Variants in TYW1 observed in about 807,000 individuals in gnomAD.
The protein encoded by TYW1 is tRNA-yW synthesizing protein 1 homolog, also known as S-adenosyl-L-methionine-dependent tRNA 4-demethylwyosine synthase TYW1.
A neutral mutation model predicts 96.2 loss-of-function variants in TYW1; 46 were observed. The ratio of observed to expected loss-of-function variants is 0.48; its 90% CI spans 0.38 to 0.61. The LOEUF (loss-of-function observed/expected upper bound fraction) is 0.61. TYW1 is among the 20% of genes least tolerant of loss of function. The pLI is 0.00. For synonymous variants in TYW1, 274 were observed against 323.0 expected (o/e 0.85, Z 1.63); for missense variants, 684 against 909.6 (o/e 0.75, Z 3.19).
intron 7 of TYW1, among the ~76,000 whole-genome samples, chr7:67,049,483 G>C (rs1175521386): frequency 1.3e-5 from 2 of 152,152 alleles, no homozygotes; most frequent in African/African-American, 4.8e-5. Flanking sequence ...TCACTTTGGA[G>C]AGGATGGGTT....
chr7:67,083,526 T>G lies in TYW1; in HGVS notation c.1371T>G (p.Ile457Met), dbSNP rs776879183. 6.2e-7 allele frequency: 1 copy of G among 1,614,152 alleles called. No homozygotes were observed. The highest frequency in any genetic ancestry group is 2.2e-5 in the East Asian group (1 of 44,878). Residue 457 changes from isoleucine (I) to methionine (M), a missense_variant, in exon 11 of 16, where the codon ATT (isoleucine) becomes ATG (methionine). Transcript: ENST00000359626. ...KEAIENHQNM[I>M]KQFKGVPGVK... is the part of the protein sequence containing the mutation. ...CCATTGAAAACCATCAGAACATGATTAAGCAGTTTAAAGGTATTTATCTTC... is the reference window on the plus strand; with the variant it reads ...CCATTGAAAACCATCAGAACATGATGAAGCAGTTTAAAGGTATTTATCTTC...
intron 11 of TYW1, among the ~76,000 whole-genome samples, chr7:67,087,592 AT>A (rs112753759): frequency 2.0e-5 from 3 of 150,652 alleles, no homozygotes; most frequent in Non-Finnish European, 3.0e-5. Flanking sequence ...CCTACAACGG[AT>A]TTTTTTTTTC....
intron 9 of TYW1, among the ~76,000 whole-genome samples, chr7:67,058,774 C>T (rs574673119): frequency 1.3e-5 from 2 of 152,190 alleles, no homozygotes; most frequent in South Asian, 2.1e-4. Context: ...CTGTGCCTGG[C>T]CCCATATGTA....
chr7:67,109,273 C>CAAAAAAAAAAAAAAAAAAAAAAAAAA, intron 12 of TYW1, among the ~76,000 whole-genome samples: 1 of 49,102 alleles, frequency 2.0e-5, no homozygotes, highest in Non-Finnish European at 4.3e-5. Flanking sequence ...GACTCCGTCT[C>CAAAAAAAAAAAAAAAAAAAAAAAAAA]AAAAAAAAAA....
chr7:67,164,650 C>G (rs1219044096), intron 13 of TYW1, among the ~76,000 whole-genome samples: 1 of 150,320 alleles, frequency 6.7e-6, no homozygotes, highest in Non-Finnish European at 1.5e-5. Context: ...ACAAATACTC[C>G]TCTAAAACAG....
At chr7:67,046,601 T>C (rs1190794411) in intron 7 of TYW1, among the ~76,000 whole-genome samples, 1 of 152,246 alleles carries the variant, frequency 6.6e-6, no homozygotes, top group Non-Finnish European at 1.5e-5. Flanking sequence ...ATGGTTGTTA[T>C]ATTGTTACAT....
intron 13 of TYW1, among the ~76,000 whole-genome samples, chr7:67,141,828 G>C (rs542233413): frequency 9.8e-5 from 15 of 152,342 alleles, no homozygotes; most frequent in South Asian, 2.1e-4. Flanking sequence ...TTGAGTTCAA[G>C]AGTTTGAGAC....
intron 13 of TYW1, among the ~76,000 whole-genome samples, chr7:67,144,215 G>A (rs1798534066): frequency 1.3e-5 from 2 of 152,136 alleles, no homozygotes; most frequent in African/African-American, 2.4e-5. Flanking sequence ...TTTATGTGAC[G>A]CTAGCTGTGT....
At position 67,130,402 on chromosome 7, in the gene TYW1, G is replaced by A. The variant is rs535993407; in HGVS notation, c.1698+12784G>A. Among the ~76,000 whole-genome samples, 12 of 151,818 alleles carry A rather than the reference G, an allele frequency of 7.9e-5. No homozygotes were observed. The South Asian group carries it at 8.4e-4, about 11-fold the overall frequency. On this transcript the variant is annotated intron_variant, in intron 13 of 15. Coordinates refer to ENST00000359626, the MANE Select transcript of TYW1 (RefSeq NM_018264.4). ...AAAAAACAAACAGATGGCTGGGTGC[G>A]GTGGCTCACATCTGGAATCCCAGCA...
intron 1 of TYW1, among the ~76,000 whole-genome samples, chr7:66,997,851 A>G (rs1022225413): frequency 2.6e-5 from 4 of 151,970 alleles, no homozygotes; most frequent in Non-Finnish European, 5.9e-5. Context: ...CTGGTCTCGA[A>G]CTCCTGACCT....
chr7:67,097,053 TA>T (rs1375840557), intron 11 of TYW1, among the ~76,000 whole-genome samples: 2 of 152,002 alleles, frequency 1.3e-5, no homozygotes, highest in African/African-American at 4.8e-5. Context: ...GTTTTTTGGG[TA>T]ATCCCAGTGT....
chr7:67,024,568 G>A (rs1161071753), intron 6 of TYW1, among the ~76,000 whole-genome samples: 1 of 152,032 alleles, frequency 6.6e-6, no homozygotes, highest in Non-Finnish European at 1.5e-5. Context: ...ATTACCTGAG[G>A]TCAGGGGTTC....
chr7:67,065,107 A>G (rs181033211), intron 9 of TYW1, among the ~76,000 whole-genome samples: 15 of 152,224 alleles, frequency 9.9e-5, no homozygotes, highest in Non-Finnish European at 2.1e-4. Flanking sequence ...GGAAGCTCTC[A>G]CTGGTCCTTT....
At chr7:67,209,136 A>T (rs1351312860) in intron 15 of TYW1, among the ~76,000 whole-genome samples, 1 of 152,204 alleles carries the variant, frequency 6.6e-6, no homozygotes. Flanking sequence ...AAGGGTGCAG[A>T]AAGCTCAATG....
intron 3 of TYW1, among the ~76,000 whole-genome samples, chr7:67,008,129 C>T (rs4717336): frequency 0.13 from 19,715 of 151,968 alleles, 1,495 homozygotes; most frequent in Admixed American, 0.15. Context: ...AGTGGTTTAT[C>T]ATAAAGGATG....
chr7:66,997,516 T>A (rs1172888238), intron 1 of TYW1, among the ~76,000 whole-genome samples: 1 of 152,256 alleles, frequency 6.6e-6, no homozygotes, highest in Non-Finnish European at 1.5e-5. Context: ...TTCTAAATGC[T>A]CATTTCGAAG....
At chr7:66,997,318 CTT>C (rs1793203773) in intron 1 of TYW1, among the ~76,000 whole-genome samples, 1 of 89,138 alleles carries the variant, frequency 1.1e-5, no homozygotes, top group South Asian at 3.3e-4. Context: ...GCATATCTCT[CTT>C]AAAAAAAAAA....
At chr7:67,136,179 AAACTGGTATTTG>A (rs1338795758) in intron 13 of TYW1, among the ~76,000 whole-genome samples, 2 of 152,190 alleles carry the variant, frequency 1.3e-5, no homozygotes, top group African/African-American at 4.8e-5. Flanking sequence ...CACTAAAATC[AAACTGGTATTTG>A]AACCCCTGTT....
intron 13 of TYW1, among the ~76,000 whole-genome samples, chr7:67,119,932 A>T (rs1240075597): frequency 6.6e-6 from 1 of 151,152 alleles, no homozygotes; most frequent in Admixed American, 6.6e-5. Context: ...GACCACAGGC[A>T]CATACTGCCA....
Sources: gnomAD v4.1 joint callset for allele counts (sites outside exome capture counted in the v4.1 genomes callset) on GRCh38, gnomAD v4.1.1 for gene constraint, MANE v1.5 for transcripts, NCBI Gene and HGNC (gene_info 2026-07-23, HGNC 2026-07-21) for gene names.